Variants in MGMT observed in about 807,000 individuals in gnomAD.
The protein encoded by MGMT is methylated-DNA--protein-cysteine methyltransferase.
In MGMT, 14 loss-of-function variants were observed where a neutral mutation model predicts 15.9. That is an observed-to-expected ratio of 0.88 (90% CI 0.58 to 1.37). The LOEUF is 1.37. Among genes scored for constraint, MGMT ranks in the 40% most tolerant of loss-of-function variants. The probability of loss-of-function intolerance (pLI) is 0.00; values close to 1 mark genes in which losing one functional copy is unlikely to be tolerated. For synonymous variants in MGMT, 130 were observed against 118.2 expected (o/e 1.10, Z -0.65); for missense variants, 282 against 268.1 (o/e 1.05, Z -0.36).
intron 3 of MGMT, among the ~76,000 whole-genome samples, chr10:129,752,019 C>T (rs1329129688): frequency 6.6e-6 from 1 of 151,912 alleles, no homozygotes. Flanking sequence ...CCATTAAATC[C>T]AATCGGTTGA....
chr10:129,494,784 ATTCTAATCCTGACATCTGGTTTTCTTTGC>A (rs1334020832), intron 1 of MGMT, among the ~76,000 whole-genome samples: 5 of 152,224 alleles, frequency 3.3e-5, no homozygotes, highest in African/African-American at 1.2e-4. Context: ...TTTAGAGTCT[ATTCTAATCCTGACATCTGGTTTTCTTTGC>A]TTGTTTGTAT....
At chr10:129,507,838 GC>G (rs917463205) in intron 1 of MGMT, among the ~76,000 whole-genome samples, 18 of 152,158 alleles carry the variant, frequency 1.2e-4, no homozygotes, top group Non-Finnish European at 2.2e-4. Flanking sequence ...ATATGGATCT[GC>G]TTTCAAAATG....
intron 1 of MGMT, among the ~76,000 whole-genome samples, chr10:129,523,767 T>C (rs1213955227): frequency 6.6e-6 from 1 of 152,200 alleles, no homozygotes; most frequent in East Asian, 1.9e-4. Context: ...AGAGGTGGCC[T>C]CATGTTCTGA....
At chr10:129,549,793 T>G (rs1271360136) in intron 2 of MGMT, among the ~76,000 whole-genome samples, 1 of 152,180 alleles carries the variant, frequency 6.6e-6, no homozygotes, top group Non-Finnish European at 1.5e-5. Flanking sequence ...TTAAAGGGCG[T>G]CTGCTGCACT....
At chr10:129,699,954 A>T (rs1167249671) in intron 2 of MGMT, among the ~76,000 whole-genome samples, 2 of 151,892 alleles carry the variant, frequency 1.3e-5, no homozygotes, top group East Asian at 1.9e-4. Context: ...AGAAAGTTTT[A>T]AAAAAAAAAT....
At position 129,659,250 on chromosome 10, in the gene MGMT, G is replaced by A. The variant is rs1388461287; in HGVS notation, c.126-48645G>A. ...TGCACACCCGTAGTCTCAGCTACTC[G>A]GGAGGCTGAGGCAGGAGAATTGCTT... On this transcript the variant is annotated intron_variant, in intron 2 of 4. Coordinates refer to ENST00000651593, the MANE Select transcript of MGMT (RefSeq NM_002412.5). The surrounding 1 kb of genome is among the most constrained non-coding windows in gnomAD (Gnocchi z 4.1). Among the ~76,000 whole-genome samples, 3 of 152,000 alleles carry A rather than the reference G, an allele frequency of 2.0e-5. No individual in the cohort carries two copies. Among genetic ancestry groups the A allele is most frequent in the South Asian group, 2.1e-4 (1 of 4,820 alleles).
intron 2 of MGMT, among the ~76,000 whole-genome samples, chr10:129,617,881 A>G (rs1443330723): frequency 6.6e-6 from 1 of 152,024 alleles, no homozygotes; most frequent in Non-Finnish European, 1.5e-5. Flanking sequence ...TTATGCAAGC[A>G]CCCAGCCTTC....
chr10:129,618,380 T>C (rs1382412415), intron 2 of MGMT, among the ~76,000 whole-genome samples: 1 of 152,044 alleles, frequency 6.6e-6, no homozygotes, highest in Non-Finnish European at 1.5e-5. Flanking sequence ...CTTGTCCTCA[T>C]GCCAACATGG....
chr10:129,650,478 A>T lies in MGMT; in HGVS notation c.126-57417A>T, dbSNP rs149845851. Among the ~76,000 whole-genome samples the T allele has an allele frequency of 2.3e-3, 352 of 152,280 alleles. 1 individual carries two copies. The highest frequency in any genetic ancestry group is 8.0e-3 in the African/African-American group (332 of 41,566). ...GGTGGAGTGAAGGTCCTACCTCCAG[A>T]TGCCTCCGAAGGTGCCGGTACGTGA... On this transcript the variant is annotated intron_variant, in intron 2 of 4. Coordinates refer to ENST00000651593, the MANE Select transcript of MGMT (RefSeq NM_002412.5).
chr10:129,701,817 C>T (rs558538954), intron 2 of MGMT: 7 of 152,296 alleles, frequency 4.6e-5, no homozygotes, highest in African/African-American at 1.4e-4. Context: ...AAATTTCTCT[C>T]ATCACCCCCA....
In MGMT at chr10:129,659,976, C is replaced by T. The variant is rs528245053; in HGVS notation, c.126-47919C>T. Among the ~76,000 whole-genome samples, 11 of 152,294 alleles carry T rather than the reference C, an allele frequency of 7.2e-5. No homozygotes were observed. The highest frequency in any genetic ancestry group is 1.2e-4 in the Non-Finnish European group (8 of 68,020). Reference sequence around the variant, plus strand: ...AGGCCGTGTTTTCTCTTTCATCACCCGTGCAGTGAAGGATTTGCGTGGTCT... The same window carrying T: ...AGGCCGTGTTTTCTCTTTCATCACCTGTGCAGTGAAGGATTTGCGTGGTCT... On this transcript the variant is annotated intron_variant, in intron 2 of 4. Transcript: ENST00000651593. This position sits in a 1 kb window ranked among gnomAD's most constrained non-coding sequence, Gnocchi z 4.1.
chr10:129,490,043 G>T (rs7082744), intron 1 of MGMT, among the ~76,000 whole-genome samples: 1 of 152,000 alleles, frequency 6.6e-6, no homozygotes, highest in African/African-American at 2.4e-5. Flanking sequence ...AATGATGCTT[G>T]CTATAGACTT....
intron 2 of MGMT, among the ~76,000 whole-genome samples, chr10:129,598,826 C>T (rs780157882): frequency 2.0e-5 from 3 of 152,166 alleles, no homozygotes; most frequent in Non-Finnish European, 4.4e-5. Flanking sequence ...ATGCGGATGG[C>T]GTCAGTAGCT....
intron 3 of MGMT, among the ~76,000 whole-genome samples, chr10:129,708,368 G>A (rs903158350): frequency 2.6e-5 from 4 of 152,190 alleles, no homozygotes; most frequent in African/African-American, 7.2e-5. Flanking sequence ...AGCTTATTGT[G>A]AACTTCAACT....
chr10:129,738,098 G>A (rs564683132), intron 3 of MGMT, among the ~76,000 whole-genome samples: 329 of 152,320 alleles, frequency 2.2e-3, no homozygotes, highest in African/African-American at 6.5e-3. Flanking sequence ...CGAGCTTCCC[G>A]GCTGCGTTGT....
In MGMT at chr10:129,506,487, G is replaced by T. The variant is rs190790320; in HGVS notation, c.-12-29754G>T. On this transcript the variant is annotated intron_variant, in intron 1 of 4. Transcript: ENST00000651593. ...CTCCCCTTGCAGCCACATACTTAGG[G>T]CTGGTGAAGTAGCCGTTCAGTCATC... Among the ~76,000 whole-genome samples the T allele has an allele frequency of 3.8e-3, 572 of 152,202 alleles. 6 individuals are homozygous for T. The highest frequency in any genetic ancestry group is 0.033 in the Admixed American group (504 of 15,290).
chr10:129,656,556 G>A (rs1847526530), intron 2 of MGMT, among the ~76,000 whole-genome samples: 1 of 152,222 alleles, frequency 6.6e-6, no homozygotes, highest in East Asian at 1.9e-4. Context: ...AGGTCCTGAT[G>A]ACACGTGCCC....
At chr10:129,609,505 G>A (rs529729582) in intron 2 of MGMT, among the ~76,000 whole-genome samples, 5 of 152,334 alleles carry the variant, frequency 3.3e-5, no homozygotes, top group African/African-American at 7.2e-5. Context: ...AACCCTAGGC[G>A]GTAGGTGTTG....
At chr10:129,616,760 C>T (rs1213180460) in intron 2 of MGMT, among the ~76,000 whole-genome samples, 1 of 152,138 alleles carries the variant, frequency 6.6e-6, no homozygotes, top group Non-Finnish European at 1.5e-5. Flanking sequence ...GTGATATTCT[C>T]TAGTGAGTGT....
Sources: allele counts gnomAD v4.1 joint callset (sites outside exome capture counted in the v4.1 genomes callset), GRCh38; gene constraint gnomAD v4.1.1; non-coding constraint Gnocchi (gnomAD v3.1); transcripts MANE v1.5; gene names NCBI Gene and HGNC (gene_info 2026-07-23, HGNC 2026-07-21).